BRI3BP: variants seen among roughly 807,000 people sequenced by gnomAD.
BRI3BP encodes BRI3 binding protein.
BRI3BP carries 7 observed loss-of-function variants against 15.8 expected under a neutral mutation model. The ratio of observed to expected loss-of-function variants is 0.44; its 90% CI spans 0.25 to 0.83. The LOEUF is 0.83. BRI3BP is among the 40% of genes least tolerant of loss of function. The probability of loss-of-function intolerance (pLI) is 0.20; values close to 1 mark genes in which losing one functional copy is unlikely to be tolerated. For synonymous variants in BRI3BP, 192 were observed against 163.5 expected, an observed-to-expected ratio of 1.17 and a Z score of -1.33; for missense variants, 320 against 339.3, an observed-to-expected ratio of 0.94 and a Z score of 0.45.
At position 125,025,115 on chromosome 12, in the gene BRI3BP, C is replaced by T. The variant is rs750631678; in HGVS notation, c.441C>T (p.Phe147=). The change falls in exon 3 of 3, where the codon TTC becomes TTT. Residue 147 remains phenylalanine (F), a synonymous_variant. Transcript: ENST00000341446. ...WFLSLTLGFT[F]SVLHVVFGRF... ...TGTCCCTGACCCTGGGCTTCACTTTCAGCGTCCTGCACGTGGTGTTCGGCC... is the reference window on the plus strand; with the variant it reads ...TGTCCCTGACCCTGGGCTTCACTTTTAGCGTCCTGCACGTGGTGTTCGGCC... 5.0e-6 allele frequency: 8 copies of T among 1,614,076 alleles called. No homozygotes were observed. The South Asian group carries it at 7.7e-5, about 16-fold the overall frequency.
At chr12:125,001,178 C>T (rs1182590244) in intron 1 of BRI3BP, among the ~76,000 whole-genome samples, 1 of 152,022 alleles carries the variant, frequency 6.6e-6, no homozygotes, top group African/African-American at 2.4e-5. Flanking sequence ...CCTCAGCCTC[C>T]CAAATAGCTG....
chr12:125,044,214 G>A, the BRI3BP span, among the ~76,000 whole-genome samples: 5 of 151,948 alleles, frequency 3.3e-5, no homozygotes, highest in Admixed American at 3.3e-4. Flanking sequence ...GTGCAGTGGC[G>A]CGATCTTGGC....
Position 124,996,983 on chromosome 12 carries a change from A to G in BRI3BP, c.213+2980A>G, listed in dbSNP as rs182948213. 5.1e-3 allele frequency among the ~76,000 whole-genome samples: 756 copies of G among 148,328 alleles called. 4 individuals carry two copies. Among genetic ancestry groups the G allele is most frequent in the African/African-American group, 0.016 (653 of 40,378 alleles). On this transcript the variant is annotated intron_variant, in intron 1 of 2. Transcript: ENST00000341446. ...ACCATGTTGGCCAGGCTGGTTTCGA[A>G]CTCCTGACCTCGTAATCCGCCCTCC...
Position 125,028,513 on chromosome 12 carries a change from C to T in BRI3BP, c.*3083C>T, listed in dbSNP as rs1473256510. The T allele has an allele frequency of 6.6e-6, 1 of 151,918 alleles. No individual in the cohort carries two copies. Among genetic ancestry groups the T allele is most frequent in the Admixed American group, 6.6e-5 (1 of 15,242 alleles). 9.4% of individuals were successfully genotyped at this position (151,918 alleles called of 1,614,324 possible). On this transcript the variant is annotated 3_prime_UTR_variant, in exon 3 of 3. Transcript: ENST00000341446. ...ATATGCACTATTTTTTTTTTCCACT[C>T]TGGCTAAGTGTAGGCTCTGAAGCCA...
At chr12:124,994,692 C>T (rs1284143553) in intron 1 of BRI3BP, among the ~76,000 whole-genome samples, 2 of 152,158 alleles carry the variant, frequency 1.3e-5, no homozygotes, top group Non-Finnish European at 2.9e-5. Flanking sequence ...CTCTCTGGAG[C>T]TAGGTGCGAT....
chr12:125,042,436 AT>A, the BRI3BP span, among the ~76,000 whole-genome samples: 1 of 147,984 alleles, frequency 6.8e-6, no homozygotes, highest in Non-Finnish European at 1.5e-5. Flanking sequence ...TTAAATGTTC[AT>A]TTTTGCCTCT....
intron 2 of BRI3BP, among the ~76,000 whole-genome samples, chr12:125,017,167 C>A (rs1477686266): frequency 6.6e-6 from 1 of 151,708 alleles, no homozygotes; most frequent in Non-Finnish European, 1.5e-5. Context: ...TTACAGGCAC[C>A]TGCCACCATG....
At chr12:124,994,126 G>A (rs982947199) in intron 1 of BRI3BP, 123 bp downstream of exon 1, 1 of 652,814 alleles carries the variant, frequency 1.5e-6, no homozygotes, top group Non-Finnish European at 2.0e-6. Context: ...CGGGAAGAGG[G>A]GGTCCGGCCT....
chr12:125,003,670 C>T (rs924431272), intron 1 of BRI3BP, among the ~76,000 whole-genome samples: 3 of 151,952 alleles, frequency 2.0e-5, no homozygotes, highest in Admixed American at 1.3e-4. Flanking sequence ...ACCACAATAC[C>T]GGCCGGGCAT....
At chr12:125,014,288 G>GCCCTGGT (rs1234958783) in intron 2 of BRI3BP, among the ~76,000 whole-genome samples, 1 of 152,090 alleles carries the variant, frequency 6.6e-6, no homozygotes, top group Non-Finnish European at 1.5e-5. Context: ...CAGCCCCACC[G>GCCCTGGT]CCCTGGTCCC....
chr12:124,994,129 T>C lies in BRI3BP; in HGVS notation c.213+126T>C, dbSNP rs1189781511. Reference sequence around the variant, plus strand: ...CCGGCCAGCGCGCGGGAAGAGGGGGTCCGGCCTGCGCCTCGGGGCCTGCCG... The same window carrying C: ...CCGGCCAGCGCGCGGGAAGAGGGGGCCCGGCCTGCGCCTCGGGGCCTGCCG... On this transcript the variant is annotated intron_variant, in intron 1 of 2. Coordinates refer to ENST00000341446, the MANE Select transcript of BRI3BP (RefSeq NM_080626.6). 5 of 615,996 alleles carry C rather than the reference T, an allele frequency of 8.1e-6. No individual in the cohort carries two copies. In the South Asian group the frequency reaches 3.8e-4, roughly 47 times the overall value. The allele number at this position is 615,996 out of a possible 1,614,324, so 38.2% of individuals were successfully genotyped here.
In BRI3BP at chr12:125,012,655, T is replaced by C; in HGVS notation, c.316+19T>C. ...CTTGACGGTAGGTGTAGGGGTGGCATTCACGTAAGGTGTCATTCTATTTTG... is the reference window on the plus strand; with the variant it reads ...CTTGACGGTAGGTGTAGGGGTGGCACTCACGTAAGGTGTCATTCTATTTTG... On this transcript the variant is annotated intron_variant, in intron 2 of 2. Transcript: ENST00000341446. The C allele has an allele frequency of 1.3e-6, 2 of 1,544,792 alleles. No individual in the cohort carries two copies. Among genetic ancestry groups the C allele is most frequent in the Non-Finnish European group, 1.8e-6 (2 of 1,117,080 alleles).
chr12:125,025,954 T>C lies in BRI3BP; in HGVS notation c.*524T>C, dbSNP rs1285147900. 1 of 152,468 alleles carries C rather than the reference T, an allele frequency of 6.6e-6. No homozygotes were observed. The highest frequency in any genetic ancestry group is 1.5e-5 in the Non-Finnish European group (1 of 68,272). 9.4% of individuals were successfully genotyped at this position (152,468 alleles called of 1,614,324 possible). On this transcript the variant is annotated 3_prime_UTR_variant, in exon 3 of 3. Coordinates refer to ENST00000341446, the MANE Select transcript of BRI3BP (RefSeq NM_080626.6). ...CCCAAACTGTGAGCTTTATTTCATG[T>C]TATTTTTGGTGGATGTTGACTTAGT...
chr12:125,009,929 C>T (rs1425744120), intron 1 of BRI3BP, among the ~76,000 whole-genome samples: 1 of 152,030 alleles, frequency 6.6e-6, no homozygotes, highest in African/African-American at 2.4e-5. Flanking sequence ...TGGTGAAACC[C>T]CATCTCTACT....
At chr12:125,007,929 C>T (rs563187797) in intron 1 of BRI3BP, among the ~76,000 whole-genome samples, 5 of 152,252 alleles carry the variant, frequency 3.3e-5, no homozygotes, top group Admixed American at 2.6e-4. Context: ...AGTGCAGTGG[C>T]GCTCTGAAGG....
At chr12:125,024,339 C>G (rs1037680828) in intron 2 of BRI3BP, among the ~76,000 whole-genome samples, 2 of 151,168 alleles carry the variant, frequency 1.3e-5, no homozygotes, top group Admixed American at 6.6e-5. Context: ...GTTCCTTCCT[C>G]CACACGTGAG....
chr12:125,012,684 G>A (rs751789481), intron 2 of BRI3BP, 48 bp downstream of exon 2: 5 of 1,439,592 alleles, frequency 3.5e-6, no homozygotes, highest in South Asian at 3.4e-5. Context: ...TATTTTGGTG[G>A]TTCTCATAGT....
At chr12:125,036,332 G>A in the BRI3BP span, among the ~76,000 whole-genome samples, 1 of 150,988 alleles carries the variant, frequency 6.6e-6, no homozygotes, top group African/African-American at 2.4e-5. Context: ...CAAAATGCTG[G>A]GATTACAGGC....
rs1483889235 is a variant in BRI3BP, at chr12:125,026,726, T to G, written c.*1296T>G. 6.6e-6 allele frequency: 1 copy of G among 152,136 alleles called. No individual in the cohort carries two copies. The highest frequency in any genetic ancestry group is 1.5e-5 in the Non-Finnish European group (1 of 68,066). 9.4% of individuals were successfully genotyped at this position (152,136 alleles called of 1,614,324 possible). Reference sequence around the variant, plus strand: ...CAGCGCTTTGGGAGGCCGAGGAGTATGGATCACCTGAGGTCAGGAGTTCAA... The same window carrying G: ...CAGCGCTTTGGGAGGCCGAGGAGTAGGGATCACCTGAGGTCAGGAGTTCAA... On this transcript the variant is annotated 3_prime_UTR_variant, in exon 3 of 3. Coordinates refer to ENST00000341446, the MANE Select transcript of BRI3BP (RefSeq NM_080626.6).
Sources: allele counts gnomAD v4.1 joint callset (sites outside exome capture counted in the v4.1 genomes callset), GRCh38; gene constraint gnomAD v4.1.1; transcripts MANE v1.5; gene names NCBI Gene and HGNC (gene_info 2026-07-23, HGNC 2026-07-21).